FBN1: variants seen among roughly 807,000 people sequenced by gnomAD.
The protein encoded by FBN1 is fibrillin 1.
Under a neutral mutation model 365.1 loss-of-function variants are expected in FBN1, and 29 were observed. That is an observed-to-expected ratio of 0.08 (90% CI 0.06 to 0.11). The LOEUF is 0.11. FBN1 is among the 10% of genes least tolerant of loss of function. The pLI is 1.00. For missense variants in FBN1, 2,476 were observed against 3,703.2 expected (o/e 0.67, Z 8.60); for synonymous variants, 1,210 against 1,270.5 (o/e 0.95, Z 1.01).
At position 48,474,392 on chromosome 15, in the gene FBN1, T is replaced by G. The variant is rs1277452638; in HGVS notation, c.4088-15A>C. The stretch of plus-strand genomic sequence containing the variant: ...TTCGTCCAGATCTTATAGAAAAAGG[T>G]TATATCATTATTAACAGAAAGGGTG... On this transcript the variant is annotated splice_polypyrimidine_tract_variant and intron_variant, in intron 33 of 65. Transcript: ENST00000316623. 6.2e-7 allele frequency: 1 copy of G among 1,614,012 alleles called. No individual in the cohort carries two copies. Among genetic ancestry groups the G allele is most frequent in the Non-Finnish European group, 8.5e-7 (1 of 1,179,956 alleles).
Position 48,496,092 on chromosome 15 carries a change from T to C in FBN1, c.2419+8A>G, listed in dbSNP as rs764974648. The C allele has an allele frequency of 5.0e-6, 8 of 1,613,710 alleles. No individual in the cohort carries two copies. Among genetic ancestry groups the C allele is most frequent in the Admixed American group, 1.7e-5 (1 of 60,022 alleles). On this transcript the variant is annotated splice_region_variant and intron_variant, in intron 20 of 65. Coordinates refer to ENST00000316623, the MANE Select transcript of FBN1 (RefSeq NM_000138.5). ...AGTACACAGTATAAGAACAAAAATA[T>C]GGTTTACCTTCACATGTTTTTAGAT...
At chr15:48,541,425 T>C (rs1296023972) in intron 6 of FBN1, among the ~76,000 whole-genome samples, 3 of 152,256 alleles carry the variant, frequency 2.0e-5, no homozygotes, top group Non-Finnish European at 4.4e-5. Flanking sequence ...TGTAGATCCA[T>C]ATTTTAAACA....
chr15:48,564,701 T>C (rs1597607768), intron 6 of FBN1, among the ~76,000 whole-genome samples: 1 of 152,330 alleles, frequency 6.6e-6, no homozygotes, highest in East Asian at 1.9e-4. Context: ...TAGAACTGCA[T>C]TCTCAGAGAA....
intron 10 of FBN1, among the ~76,000 whole-genome samples, chr15:48,517,887 C>A (rs1022481667): frequency 3.3e-5 from 5 of 152,264 alleles, no homozygotes; most frequent in Non-Finnish European, 7.4e-5. Context: ...AACTTATTTT[C>A]AGACAGTAAT....
intron 8 of FBN1, among the ~76,000 whole-genome samples, 189 bp downstream of exon 8, chr15:48,533,891 A>T (rs1247390687): frequency 1.3e-5 from 2 of 152,198 alleles, no homozygotes; most frequent in African/African-American, 4.8e-5. Flanking sequence ...AAGTGGAAAA[A>T]GCTACAGGGT....
In FBN1 at chr15:48,495,724, C is replaced by T. The variant is rs543152804; in HGVS notation, c.2420-136G>A. The T allele has an allele frequency of 1.4e-3, 1,520 of 1,099,266 alleles. 4 individuals are homozygous for T. The highest frequency in any genetic ancestry group is 1.7e-3 in the Non-Finnish European group (1,281 of 733,338). The allele number at this position is 1,099,266 out of a possible 1,614,324, so 68.1% of individuals were successfully genotyped here. ...GCTGGGCTAAATAGTTTTTCCTACACTAGATGGAATGCCAAAATAATAACT... is the reference window on the plus strand; with the variant it reads ...GCTGGGCTAAATAGTTTTTCCTACATTAGATGGAATGCCAAAATAATAACT... On this transcript the variant is annotated intron_variant, in intron 20 of 65. Coordinates refer to ENST00000316623, the MANE Select transcript of FBN1 (RefSeq NM_000138.5).
intron 4 of FBN1, among the ~76,000 whole-genome samples, chr15:48,607,375 TATA>T (rs1263533084): frequency 2.8e-5 from 4 of 144,926 alleles, no homozygotes; most frequent in African/African-American, 8.0e-5. Context: ...TACATATATA[TATA>T]TATATATATT....
At chr15:48,506,549 G>T (rs994656657) in intron 15 of FBN1, among the ~76,000 whole-genome samples, 3 of 152,174 alleles carry the variant, frequency 2.0e-5, no homozygotes, top group African/African-American at 7.2e-5. Flanking sequence ...TAACACAAAG[G>T]GTTTTTAATA....
Position 48,516,286 on chromosome 15 carries a change from G to A in FBN1, c.1224C>T (p.Pro408=), listed in dbSNP as rs1273743882. 6.2e-7 allele frequency: 1 copy of A among 1,613,904 alleles called. No homozygotes were observed. Among genetic ancestry groups the A allele is most frequent in the South Asian group, 1.1e-5 (1 of 91,062 alleles). The change falls in exon 11 of 66, where the codon CCC becomes CCT. Residue 408 remains proline (P), a synonymous_variant. Transcript: ENST00000316623. ...RPEYPPPPLG[P]IPPVLPVPPG... is the part of the protein sequence containing the mutation. ...GAGGAACAGGGAGAACTGGAGGAAT[G>A]GGGCCAAGGGGTGGGGGAGGATATT...
Position 48,513,564 on chromosome 15 carries a change from G to C in FBN1, c.1573C>G (p.Arg525Gly), listed in dbSNP as rs768253008. The C allele has an allele frequency of 6.2e-7, 1 of 1,613,936 alleles. No individual in the cohort carries two copies. The part of the protein sequence containing the change: ...CRAGYQSTLT[R>G]TECRDIDECL... Reference sequence around the variant, plus strand: ...AGGACCATACCTCGGCATTCTGTCCGCGTGAGTGTGCTCTGATATCCAGCT... The same window carrying C: ...AGGACCATACCTCGGCATTCTGTCCCCGTGAGTGTGCTCTGATATCCAGCT... Residue 525 changes from arginine (R) to glycine (G), a missense_variant, in exon 13 of 66, where the codon CGG becomes GGG. Around this residue, in one of 5 missense-constraint regions of FBN1, gnomAD observed 1,780 missense variants for 2,840.8 expected, o/e 0.63. Transcript: ENST00000316623.
intron 63 of FBN1, among the ~76,000 whole-genome samples, chr15:48,418,979 CA>C (rs1400885512): frequency 6.6e-6 from 1 of 152,170 alleles, no homozygotes; most frequent in African/African-American, 2.4e-5. Flanking sequence ...TTCTAGAAAG[CA>C]ATGAAATTAG....
Position 48,613,173 on chromosome 15 carries a change from C to A in FBN1, c.165-81G>T, listed in dbSNP as rs1012109683. ...TGGCCAAATAAAAGGAAAAAAAATT[C>A]CTGAGTTATAAAAGCAAGATGAATC... On this transcript the variant is annotated intron_variant, in intron 2 of 65. Transcript: ENST00000316623. The A allele has an allele frequency of 1.2e-4, 128 of 1,092,830 alleles. 1 individual carries two copies. The highest frequency in any genetic ancestry group is 6.0e-4 in the Middle Eastern group (3 of 5,040). The allele number at this position is 1,092,830 out of a possible 1,614,324, so 67.7% of individuals were successfully genotyped here. A position where few individuals can be genotyped will look rare whatever the true frequency, so the allele number is the denominator to read the frequency against.
chr15:48,490,075 A>C lies in FBN1; in HGVS notation c.2858T>G (p.Ile953Ser). 6.2e-7 allele frequency: 1 copy of C among 1,614,100 alleles called. No homozygotes were observed. The highest frequency in any genetic ancestry group is 8.5e-7 in the Non-Finnish European group (1 of 1,179,994). ...LDATGRICLD[I>S]RLETCFLRYE... ...CCTCAGGAAGCAGGTTTCCAGGCGG[A>C]TATCTGTCAGAGGGAATCAAGGGAG... is the stretch of plus-strand genomic sequence containing the variant. Residue 953 changes from isoleucine (I) to serine (S), a missense_variant, in exon 25 of 66, where the codon ATC (isoleucine) becomes AGC (serine). Ile to Ser is a moderately radical substitution (Grantham distance 142). Around this residue, in one of 5 missense-constraint regions of FBN1, gnomAD observed 1,780 missense variants for 2,840.8 expected, o/e 0.63. Transcript: ENST00000316623.
chr15:48,466,470 A>G (rs2141270746), intron 38 of FBN1, among the ~76,000 whole-genome samples: 1 of 152,332 alleles, frequency 6.6e-6, no homozygotes, highest in East Asian at 1.9e-4. Flanking sequence ...TATTTTACCC[A>G]GAAACATTTA....
At chr15:48,637,796 A>C (rs1349981109) in intron 2 of FBN1, among the ~76,000 whole-genome samples, 2 of 152,334 alleles carry the variant, frequency 1.3e-5, no homozygotes, top group East Asian at 1.9e-4. Flanking sequence ...TCTCACTCCT[A>C]GTAGACAGTC....
At chr15:48,546,708 G>A (rs1597598417) in intron 6 of FBN1, among the ~76,000 whole-genome samples, 1 of 152,204 alleles carries the variant, frequency 6.6e-6, no homozygotes, top group Non-Finnish European at 1.5e-5. Flanking sequence ...AAGGGCTCAG[G>A]AGTTGAAATG....
chr15:48,552,793 G>A (rs1441402861), intron 6 of FBN1, among the ~76,000 whole-genome samples: 1 of 152,104 alleles, frequency 6.6e-6, no homozygotes, highest in Non-Finnish European at 1.5e-5. Flanking sequence ...TACATTTCTG[G>A]AATTTTTATG....
chr15:48,448,802 A>G lies in FBN1; in HGVS notation c.5637T>C (p.Gly1879=). The G allele has an allele frequency of 6.2e-7, 1 of 1,613,158 alleles. No homozygotes were observed. The highest frequency in any genetic ancestry group is 2.2e-5 in the East Asian group (1 of 44,762). ...TGGTTTGGTCATCATTTGTTTTAAA[A>G]CCAGTGTGGCAAAGGCAATAAAAGC... ...VGSFYCLCHT[G]FKTNDDQTMC... is the part of the protein sequence containing the mutation. Residue 1879 remains glycine, a synonymous_variant, in exon 46 of 66, where the codon GGT becomes GGC. Coordinates refer to ENST00000316623, the MANE Select transcript of FBN1 (RefSeq NM_000138.5).
chr15:48,463,783 G>T, intron 41 of FBN1, 116 bp downstream of exon 41: 1 of 1,158,712 alleles, frequency 8.6e-7, no homozygotes, highest in Non-Finnish European at 1.3e-6. Flanking sequence ...GACAGTGAAG[G>T]GATGCCAGCA....
Sources: gnomAD v4.1 joint callset for allele counts (sites outside exome capture counted in the v4.1 genomes callset) on GRCh38, gnomAD v4.1.1 for gene constraint, gnomAD v4.1.1 regional missense constraint, MANE v1.5 for transcripts, NCBI Gene and HGNC (gene_info 2026-07-23, HGNC 2026-07-21) for gene names.